The following NKAIN1 variants were observed in gnomAD, a reference collection of about 807,000 sequenced individuals.
The protein encoded by NKAIN1 is sodium/potassium-transporting ATPase subunit beta-1-interacting protein 1.
Under a neutral mutation model 31.6 loss-of-function variants are expected in NKAIN1, and 13 were observed. The observed-to-expected ratio is 0.41, with a 90% CI of 0.27 to 0.65. The LOEUF (loss-of-function observed/expected upper bound fraction) is 0.65. Ranked by LOEUF, NKAIN1 falls within the 30% of genes least tolerant of loss-of-function variation. The probability of loss-of-function intolerance (pLI) is 0.30; values close to 1 mark genes in which losing one functional copy is unlikely to be tolerated. For synonymous variants in NKAIN1, 104 were observed against 109.0 expected (o/e 0.95, Z 0.28); for missense variants, 193 against 262.2 (o/e 0.74, Z 1.82).
chr1:31,211,487 T>C (rs909519852), intron 1 of NKAIN1, among the ~76,000 whole-genome samples: 3 of 152,150 alleles, frequency 2.0e-5, no homozygotes, highest in African/African-American at 7.2e-5. Flanking sequence ...CAAAACATTA[T>C]TGAAGAAATT....
intron 1 of NKAIN1, among the ~76,000 whole-genome samples, chr1:31,205,142 A>AT (rs59830593): frequency 0.04 from 6,082 of 150,294 alleles, 342 homozygotes; most frequent in African/African-American, 0.12. Flanking sequence ...TGGACAAGCA[A>AT]TTTTTTTTTT....
Position 31,239,651 on chromosome 1 carries a change from CGGG to C in NKAIN1, c.-107_-105del. On this transcript the variant is annotated 5_prime_UTR_variant, in exon 1 of 7. Coordinates refer to ENST00000373736, the MANE Select transcript of NKAIN1 (RefSeq NM_024522.3). This position sits in a 1 kb window ranked among gnomAD's most constrained non-coding sequence, Gnocchi z 4.8. ...TCCACGTCCTCCCCGCTGGGCGCGC[CGGG>C]CGGCGGGGCCGGGCGCCTAGGGCCG... The C allele has an allele frequency of 1.8e-6, 1 of 545,764 alleles. No homozygotes were observed. The highest frequency in any genetic ancestry group is 2.3e-6 in the Non-Finnish European group (1 of 428,418). 33.8% of individuals were successfully genotyped at this position (545,764 alleles called of 1,614,324 possible). A position where few individuals can be genotyped will look rare whatever the true frequency, so the allele number is the denominator to read the frequency against.
At position 31,183,892 on chromosome 1, in the gene NKAIN1, G is replaced by A. The variant is rs147095275; in HGVS notation, c.396C>T (p.Val132=). The A allele has an allele frequency of 3.0e-4, 478 of 1,614,130 alleles. 1 individual carries two copies. In the African/African-American group the frequency reaches 5.9e-3, roughly 20 times the overall value. Reference sequence around the variant, plus strand: ...CAAGCAGGCAGCCAGTGACAGAGATGACATGGTGGTCCTCCAGAGCCAGGC... The same window carrying A: ...CAAGCAGGCAGCCAGTGACAGAGATAACATGGTGGTCCTCCAGAGCCAGGC... ...NSRLALEDHH[V]ISVTGCLLDY... is the part of the protein sequence containing the mutation. The change falls in exon 4 of 7, where the codon GTC becomes GTT. Residue 132 remains valine (V), a synonymous_variant. Transcript: ENST00000373736.
rs922742880 is a variant in NKAIN1, at chr1:31,184,092, T to C, written c.274-78A>G. On this transcript the variant is annotated intron_variant, in intron 3 of 6. Transcript: ENST00000373736. ...CTACTCCCCCAGCCCAGGAAGACTA[T>C]ATTGATCGGTGAAGGGATTCAGGGA... 9.9e-6 allele frequency: 13 copies of C among 1,315,562 alleles called. No homozygotes were observed. In the African/African-American group the frequency reaches 1.9e-4, roughly 19 times the overall value. 81.5% of individuals were successfully genotyped at this position (1,315,562 alleles called of 1,614,324 possible).
intron 1 of NKAIN1, among the ~76,000 whole-genome samples, chr1:31,197,736 G>GCA (rs1645342121): frequency 6.6e-6 from 1 of 150,794 alleles, no homozygotes; most frequent in African/African-American, 2.4e-5. Flanking sequence ...TAGTAGAGAT[G>GCA]GGGTTTCACC....
chr1:31,188,319 C>G (rs1012250972), intron 1 of NKAIN1, 132 bp from the exon 2 acceptor site: 1 of 966,612 alleles, frequency 1.0e-6, no homozygotes, highest in Admixed American at 2.7e-5. Flanking sequence ...CAATCCAGTC[C>G]TTCACTACCA....
chr1:31,197,743 C>T (rs568069351), intron 1 of NKAIN1, among the ~76,000 whole-genome samples: 1 of 151,640 alleles, frequency 6.6e-6, no homozygotes, highest in African/African-American at 2.4e-5. Flanking sequence ...GATGGGGTTT[C>T]ACCATGTTGG....
At chr1:31,228,355 C>T (rs1182518231) in intron 1 of NKAIN1, among the ~76,000 whole-genome samples, 1 of 152,140 alleles carries the variant, frequency 6.6e-6, no homozygotes, top group Non-Finnish European at 1.5e-5. Flanking sequence ...GATAAAATGC[C>T]TAGAGATTTC....
At chr1:31,191,380 T>C (rs922345110) in intron 1 of NKAIN1, among the ~76,000 whole-genome samples, 2 of 149,532 alleles carry the variant, frequency 1.3e-5, no homozygotes, top group Non-Finnish European at 3.0e-5. Flanking sequence ...TGTGACCTTA[T>C]TGATAGAAAA....
intron 1 of NKAIN1, among the ~76,000 whole-genome samples, chr1:31,205,971 C>T (rs1645420725): frequency 6.6e-6 from 1 of 151,378 alleles, no homozygotes; most frequent in African/African-American, 2.4e-5. Flanking sequence ...CAGTGGCTTA[C>T]ATCTGTAATC....
intron 1 of NKAIN1, among the ~76,000 whole-genome samples, chr1:31,208,299 C>A (rs1041938664): frequency 6.6e-6 from 1 of 152,048 alleles, no homozygotes; most frequent in Middle Eastern, 3.4e-3. Context: ...AAGCACCCAA[C>A]AAATGCCATT....
At chr1:31,234,741 T>C (rs1036110636) in intron 1 of NKAIN1, among the ~76,000 whole-genome samples, 6 of 152,168 alleles carry the variant, frequency 3.9e-5, no homozygotes, top group Admixed American at 3.9e-4. Flanking sequence ...TATCGAAATA[T>C]GATCATCTTC....
At chr1:31,214,354 T>C (rs1333769069) in intron 1 of NKAIN1, among the ~76,000 whole-genome samples, 1 of 151,472 alleles carries the variant, frequency 6.6e-6, no homozygotes, top group Non-Finnish European at 1.5e-5. Context: ...AGGAATCAGA[T>C]AGTGGTGATG....
chr1:31,183,802 G>A lies in NKAIN1; in HGVS notation c.471+15C>T. 1 of 1,606,740 alleles carries A rather than the reference G, an allele frequency of 6.2e-7. No homozygotes were observed. The highest frequency in any genetic ancestry group is 8.5e-7 in the Non-Finnish European group (1 of 1,175,724). On this transcript the variant is annotated intron_variant, in intron 4 of 6. Transcript: ENST00000373736. ...ATCGGGAAGTGTGTGTAGGGTGGGG[G>A]ACAGAAGGACTTACTGCCAGGAAGA...
Position 31,197,545 on chromosome 1 carries a change from C to CT in NKAIN1, c.55-9359dup, listed in dbSNP as rs754860679. ...ACAGGCATGAGCCACCGTGCCCGGC[C>CT]TTTTTTTTTTTTTTTCCCTGAGATG... On this transcript the variant is annotated intron_variant, in intron 1 of 6. Transcript: ENST00000373736. 7.8e-4 allele frequency among the ~76,000 whole-genome samples: 87 copies of CT among 111,392 alleles called. 1 individual carries two copies. Among genetic ancestry groups the CT allele is most frequent in the African/African-American group, 2.0e-3 (58 of 29,366 alleles). 73.1% of individuals were successfully genotyped at this position (111,392 alleles called of 152,430 possible).
intron 1 of NKAIN1, among the ~76,000 whole-genome samples, chr1:31,216,906 C>T (rs1387075292): frequency 6.6e-6 from 1 of 151,794 alleles, no homozygotes; most frequent in Non-Finnish European, 1.5e-5. Context: ...GTCTGTGTTG[C>T]CGAGGCTGGA....
Position 31,188,038 on chromosome 1 carries a change from G to C in NKAIN1, c.192+12C>G, listed in dbSNP as rs147171273. Reference sequence around the variant, plus strand: ...GAGGAGTTGGCTTGGGAAGGGGCTAGGTGAGCCGTACCAGGATGAGGTACC... The same window carrying C: ...GAGGAGTTGGCTTGGGAAGGGGCTACGTGAGCCGTACCAGGATGAGGTACC... On this transcript the variant is annotated intron_variant, in intron 2 of 6. Coordinates refer to ENST00000373736, the MANE Select transcript of NKAIN1 (RefSeq NM_024522.3). 1.9e-6 allele frequency: 3 copies of C among 1,551,842 alleles called. No individual in the cohort carries two copies. The highest frequency in any genetic ancestry group is 2.6e-6 in the Non-Finnish European group (3 of 1,147,112).
chr1:31,221,573 C>T (rs35398528), intron 1 of NKAIN1, among the ~76,000 whole-genome samples: 4,390 of 151,124 alleles, frequency 0.029, 64 homozygotes, highest in Middle Eastern at 0.056. Context: ...GTAGCTGGGA[C>T]TACAGGCACG....
At chr1:31,185,921 G>A (rs1645238547) in intron 2 of NKAIN1, among the ~76,000 whole-genome samples, 1 of 152,102 alleles carries the variant, frequency 6.6e-6, no homozygotes, top group South Asian at 2.1e-4. Context: ...ATAGCTGGAT[G>A]AACCCATTAA....
Sources: allele counts gnomAD v4.1 joint callset (sites outside exome capture counted in the v4.1 genomes callset), GRCh38; gene constraint gnomAD v4.1.1; non-coding constraint Gnocchi (gnomAD v3.1); transcripts MANE v1.5; gene names NCBI Gene and HGNC (gene_info 2026-07-23, HGNC 2026-07-21).